MAN2A1: variants seen among roughly 807,000 people sequenced by gnomAD.
MAN2A1 encodes mannosidase alpha class 2A member 1, also known as alpha-mannosidase 2.
In MAN2A1, 76 loss-of-function variants were observed where a neutral mutation model predicts 142.6. That is an observed-to-expected ratio of 0.53 (90% CI 0.44 to 0.65). The LOEUF (loss-of-function observed/expected upper bound fraction) is 0.65. Ranked by LOEUF, MAN2A1 falls within the 30% of genes least tolerant of loss-of-function variation. The probability of loss-of-function intolerance (pLI) is 0.00; values close to 1 mark genes in which losing one functional copy is unlikely to be tolerated. For synonymous variants in MAN2A1, 559 were observed against 473.2 expected, an observed-to-expected ratio of 1.18 and a Z score of -2.35; for missense variants, 1,311 against 1,365.1, an observed-to-expected ratio of 0.96 and a Z score of 0.62.
chr5:109,804,579 C>T (rs549668852), intron 12 of MAN2A1, among the ~76,000 whole-genome samples: 4 of 152,058 alleles, frequency 2.6e-5, no homozygotes, highest in African/African-American at 9.6e-5. Context: ...TATCTTTAAT[C>T]GGTTCATTGG....
chr5:109,865,550 G>A (rs150240683), intron 21 of MAN2A1: 133 of 169,844 alleles, frequency 7.8e-4, no homozygotes, highest in Non-Finnish European at 1.3e-3. Context: ...GAAGCTTATA[G>A]AGGTAGCCAT....
chr5:109,817,548 G>T, intron 13 of MAN2A1, 110 bp downstream of exon 13: 1 of 1,048,316 alleles, frequency 9.5e-7, no homozygotes, highest in Non-Finnish European at 1.4e-6. Context: ...GTGTATGTGA[G>T]GTGATGAAAG....
chr5:109,852,364 A>T (rs1223844337), intron 19 of MAN2A1, among the ~76,000 whole-genome samples: 1 of 152,102 alleles, frequency 6.6e-6, no homozygotes, highest in African/African-American at 2.4e-5. Context: ...TATTAAATTA[A>T]TAGATTTACT....
At chr5:109,705,070 G>C (rs1294352282) in intron 1 of MAN2A1, among the ~76,000 whole-genome samples, 1 of 152,082 alleles carries the variant, frequency 6.6e-6, no homozygotes, top group Non-Finnish European at 1.5e-5. Context: ...TTGTGGGCCT[G>C]TTCCTCTAAA....
chr5:109,814,933 C>T (rs2112717789), intron 12 of MAN2A1, among the ~76,000 whole-genome samples: 1 of 152,194 alleles, frequency 6.6e-6, no homozygotes, highest in African/African-American at 2.4e-5. Flanking sequence ...GCTTAGTGTG[C>T]CTAGGTATGC....
chr5:109,731,286 T>C (rs1482180051), intron 4 of MAN2A1, among the ~76,000 whole-genome samples: 1 of 151,936 alleles, frequency 6.6e-6, no homozygotes. Flanking sequence ...TTTAAGCAAT[T>C]GACCAATCAA....
intron 19 of MAN2A1, among the ~76,000 whole-genome samples, chr5:109,848,254 G>T (rs1267107663): frequency 6.6e-6 from 1 of 152,132 alleles, no homozygotes; most frequent in East Asian, 1.9e-4. Context: ...TTTCTATGAG[G>T]TTTACTCCTC....
At chr5:109,752,595 A>T (rs750921266) in intron 4 of MAN2A1, among the ~76,000 whole-genome samples, 2 of 152,128 alleles carry the variant, frequency 1.3e-5, no homozygotes, top group Non-Finnish European at 2.9e-5. Context: ...GATAGATAGA[A>T]TGGGGGGTAC....
intron 1 of MAN2A1, among the ~76,000 whole-genome samples, chr5:109,706,537 G>A (rs958492025): frequency 3.3e-5 from 5 of 152,302 alleles, no homozygotes; most frequent in East Asian, 1.9e-4. Flanking sequence ...CAATAAGTGC[G>A]GAAACTAGTA....
chr5:109,834,177 C>A (rs1436464994), intron 16 of MAN2A1, among the ~76,000 whole-genome samples: 1 of 152,136 alleles, frequency 6.6e-6, no homozygotes, highest in Non-Finnish European at 1.5e-5. Context: ...ACTGCCAGTG[C>A]CACAGATGTG....
rs1378961159 is a variant in MAN2A1, at chr5:109,868,422, AAGG to A, written c.*1427_*1429del. ...TTAGACTATGCAATTTTAGCATAGA[AAGG>A]AGTCTTTGAGTATGTACAGTTTTGA... On this transcript the variant is annotated 3_prime_UTR_variant, in exon 22 of 22. Coordinates refer to ENST00000261483, the MANE Select transcript of MAN2A1 (RefSeq NM_002372.4). 6.6e-6 allele frequency: 1 copy of A among 152,226 alleles called. No individual in the cohort carries two copies. The highest frequency in any genetic ancestry group is 2.4e-5 in the African/African-American group (1 of 41,462). 9.4% of individuals were successfully genotyped at this position (152,226 alleles called of 1,614,324 possible). A position where few individuals can be genotyped will look rare whatever the true frequency, so the allele number is the denominator to read the frequency against.
chr5:109,728,475 C>A (rs1010551877), intron 3 of MAN2A1, among the ~76,000 whole-genome samples: 3 of 152,066 alleles, frequency 2.0e-5, no homozygotes, highest in Admixed American at 6.6e-5. Flanking sequence ...TTGCCTGCCA[C>A]CAGTAGACAG....
At chr5:109,705,639 A>C (rs1331607672) in intron 1 of MAN2A1, among the ~76,000 whole-genome samples, 2 of 152,228 alleles carry the variant, frequency 1.3e-5, no homozygotes, top group African/African-American at 2.4e-5. Flanking sequence ...TGCTGCTATC[A>C]CCACAAACTT....
chr5:109,747,510 C>A (rs538697858), intron 4 of MAN2A1, among the ~76,000 whole-genome samples: 1 of 151,902 alleles, frequency 6.6e-6, no homozygotes, highest in East Asian at 1.9e-4. Context: ...AATTTTTTAA[C>A]TTTTATCTTT....
At chr5:109,804,956 T>C (rs533712957) in intron 12 of MAN2A1, among the ~76,000 whole-genome samples, 2 of 152,316 alleles carry the variant, frequency 1.3e-5, no homozygotes, top group South Asian at 4.1e-4. Context: ...GTTATATTCA[T>C]TGGAGAAATG....
intron 7 of MAN2A1, among the ~76,000 whole-genome samples, chr5:109,770,884 A>G (rs931793591): frequency 6.6e-6 from 1 of 152,168 alleles, no homozygotes; most frequent in Non-Finnish European, 1.5e-5. Context: ...CCTATTGTAC[A>G]AATTGGTAAG....
intron 4 of MAN2A1, among the ~76,000 whole-genome samples, chr5:109,749,650 A>G (rs1426917978): frequency 6.6e-6 from 1 of 152,108 alleles, no homozygotes; most frequent in Admixed American, 6.5e-5. Context: ...CATGAAGTGT[A>G]CATGTAAAAT....
At chr5:109,692,557 A>G (rs1561462276) in intron 1 of MAN2A1, among the ~76,000 whole-genome samples, 2 of 152,122 alleles carry the variant, frequency 1.3e-5, no homozygotes, top group Non-Finnish European at 2.9e-5. Context: ...TGAGGCACGG[A>G]GAGATTAATT....
chr5:109,797,155 G>C (rs116466647), intron 12 of MAN2A1, among the ~76,000 whole-genome samples: 2,019 of 152,192 alleles, frequency 0.013, 35 homozygotes, highest in African/African-American at 0.046. Context: ...GGAGAGCTGT[G>C]AAAAAGCTCT....
Sources: allele counts gnomAD v4.1 joint callset (sites outside exome capture counted in the v4.1 genomes callset), GRCh38; gene constraint gnomAD v4.1.1; transcripts MANE v1.5; gene names NCBI Gene and HGNC (gene_info 2026-07-23, HGNC 2026-07-21).